The following LMOD1 variants were observed in gnomAD, a reference collection of about 807,000 sequenced individuals.
LMOD1 encodes leiomodin-1.
Under a neutral mutation model 36.5 loss-of-function variants are expected in LMOD1, and 8 were observed. The observed-to-expected ratio is 0.22, with a 90% CI of 0.13 to 0.40. The LOEUF (loss-of-function observed/expected upper bound fraction) is 0.40, where lower values mean the gene tolerates loss of function less well. LMOD1 is among the 10% of genes least tolerant of loss of function. The probability of loss-of-function intolerance (pLI) is 1.00; values close to 1 mark genes in which losing one functional copy is unlikely to be tolerated. For synonymous variants in LMOD1, 284 were observed against 288.7 expected (o/e 0.98, Z 0.17); for missense variants, 630 against 751.1 (o/e 0.84, Z 1.88).
chr1:201,921,623 G>GTTA (rs1681706295), intron 1 of LMOD1, among the ~76,000 whole-genome samples: 1 of 151,890 alleles, frequency 6.6e-6, no homozygotes, highest in Admixed American at 6.6e-5. Flanking sequence ...TGAAAAGTGA[G>GTTA]TTATCAGGAA....
In LMOD1 at chr1:201,924,660, GAAAA is replaced by G. The variant is rs1224538245; in HGVS notation, c.261+21416_261+21419del. ...ATAAAGAAAGAAAGAGAGAAAGAAAGAAAAAAAAGAAAGAAAGAAAGAAAGAAAG... is the reference window on the plus strand; with the variant it reads ...ATAAAGAAAGAAAGAGAGAAAGAAAGAAAAGAAAGAAAGAAAGAAAGAAAG... On this transcript the variant is annotated intron_variant, in intron 1 of 2. Coordinates refer to ENST00000367288, the MANE Select transcript of LMOD1 (RefSeq NM_012134.3). Among the ~76,000 whole-genome samples the G allele has an allele frequency of 5.6e-3, 694 of 122,944 alleles. 20 individuals carry two copies. Among genetic ancestry groups the G allele is most frequent in the African/African-American group, 0.02 (632 of 31,772 alleles). 80.7% of individuals were successfully genotyped at this position (122,944 alleles called of 152,430 possible).
At position 201,899,702 on chromosome 1, in the gene LMOD1, G is replaced by C; in HGVS notation, c.1311C>G (p.Ile437Met). 1 of 1,614,024 alleles carries C rather than the reference G, an allele frequency of 6.2e-7. No homozygotes were observed. Among genetic ancestry groups the C allele is most frequent in the African/African-American group, 1.3e-5 (1 of 75,054 alleles). The change falls in exon 2 of 3, where the codon ATC becomes ATG. Residue 437 changes from isoleucine (I) to methionine (M), a missense_variant. Coordinates refer to ENST00000367288, the MANE Select transcript of LMOD1 (RefSeq NM_012134.3). The surrounding 1 kb of genome is among the most constrained non-coding windows in gnomAD (Gnocchi z 6.3). Reference sequence around the variant, plus strand: ...TAGTATTCTCCTTCAGCAGCTTGGCGATCTCCATCTCCGTCTTGCCTCCAC... The same window carrying C: ...TAGTATTCTCCTTCAGCAGCTTGGCCATCTCCATCTCCGTCTTGCCTCCAC... ...HICGGKTEMEIAKLLKENTTL... is the reference protein window; with the variant it reads ...HICGGKTEMEMAKLLKENTTL...
chr1:201,927,839 C>T (rs1681855312), intron 1 of LMOD1, among the ~76,000 whole-genome samples: 1 of 152,162 alleles, frequency 6.6e-6, no homozygotes, highest in Non-Finnish European at 1.5e-5. Context: ...CCTATGAATT[C>T]AGAATGGGAC....
rs1681222752 is a variant in LMOD1 at position 201,898,016 on chromosome 1, G to A, written c.*356C>T. 1.1e-5 allele frequency: 3 copies of A among 261,214 alleles called. No homozygotes were observed. Among genetic ancestry groups the A allele is most frequent in the Non-Finnish European group, 2.2e-5 (3 of 136,740 alleles). 16.2% of individuals were successfully genotyped at this position (261,214 alleles called of 1,614,324 possible). A position where few individuals can be genotyped will look rare whatever the true frequency, so the allele number is the denominator to read the frequency against. Reference sequence around the variant, plus strand: ...CCCTGGAGGGCAGTGGGGCTGGGGTGGATGTGGTCCCTGTGGGACATCTTT... The same window carrying A: ...CCCTGGAGGGCAGTGGGGCTGGGGTAGATGTGGTCCCTGTGGGACATCTTT... On this transcript the variant is annotated 3_prime_UTR_variant, in exon 3 of 3. Transcript: ENST00000367288.
intron 1 of LMOD1, among the ~76,000 whole-genome samples, chr1:201,906,872 T>C (rs1681421158): frequency 5.6e-5 from 1 of 17,780 alleles, no homozygotes; most frequent in Non-Finnish European, 1.6e-4. Context: ...TGTCTCTATT[T>C]AAAATAAATA....
intron 1 of LMOD1, among the ~76,000 whole-genome samples, chr1:201,902,675 G>C (rs1445798976): frequency 1.3e-5 from 2 of 151,978 alleles, no homozygotes; most frequent in Non-Finnish European, 2.9e-5. Context: ...TCGAACTCCT[G>C]ACCTCATGAT....
At chr1:201,909,542 G>T (rs1014086882) in intron 1 of LMOD1, among the ~76,000 whole-genome samples, 19 of 152,110 alleles carry the variant, frequency 1.2e-4, no homozygotes, top group African/African-American at 3.6e-4. Flanking sequence ...GCCATACCTG[G>T]CCTTGAGCCC....
At chr1:201,901,704 A>ACACATATATATATG (rs1681330276) in intron 1 of LMOD1, among the ~76,000 whole-genome samples, 1 of 136,280 alleles carries the variant, frequency 7.3e-6, no homozygotes, top group Non-Finnish European at 1.6e-5. Context: ...ATATATATAT[A>ACACATATATATATG]TGTGAAAACA....
At chr1:201,920,376 C>T (rs1468265414) in intron 1 of LMOD1, among the ~76,000 whole-genome samples, 3 of 152,018 alleles carry the variant, frequency 2.0e-5, no homozygotes, top group Non-Finnish European at 4.4e-5. Context: ...ACATACTTTC[C>T]CAGGCCTTGT....
chr1:201,938,793 G>A (rs892865304), intron 1 of LMOD1, among the ~76,000 whole-genome samples: 11 of 152,198 alleles, frequency 7.2e-5, no homozygotes, highest in African/African-American at 2.7e-4. Flanking sequence ...TTTGTAAACA[G>A]CATCCCGACA....
intron 1 of LMOD1, among the ~76,000 whole-genome samples, chr1:201,904,501 C>T (rs962517917): frequency 5.3e-5 from 8 of 152,322 alleles, no homozygotes; most frequent in East Asian, 1.9e-4. Context: ...TGAGCCACCA[C>T]GCCCAGCCTC....
Position 201,921,951 on chromosome 1 carries a change from T to C in LMOD1, c.262-21200A>G, listed in dbSNP as rs532948797. Among the ~76,000 whole-genome samples the C allele has an allele frequency of 1.2e-4, 10 of 85,470 alleles. No individual in the cohort carries two copies. In the South Asian group the frequency reaches 2.0e-3, roughly 17 times the overall value. The allele number at this position is 85,470 out of a possible 152,430, so 56.1% of individuals were successfully genotyped here. On this transcript the variant is annotated intron_variant, in intron 1 of 2. Transcript: ENST00000367288. ...CTCCAGCCTGGGCGACAGAGTGAGA[T>C]TCCATCTCAAAAAAAAAAAGAAAAA...
intron 1 of LMOD1, among the ~76,000 whole-genome samples, chr1:201,936,614 C>T (rs1242699280): frequency 1.3e-5 from 2 of 152,090 alleles, no homozygotes; most frequent in African/African-American, 4.8e-5. Context: ...CACATCTTCC[C>T]AAGGCTAGCT....
At chr1:201,919,449 C>A (rs1681664791) in intron 1 of LMOD1, among the ~76,000 whole-genome samples, 1 of 152,172 alleles carries the variant, frequency 6.6e-6, no homozygotes, top group African/African-American at 2.4e-5. Context: ...GGTGATCTGC[C>A]TGCCTTGGCC....
At chr1:201,935,018 A>G (rs1388090983) in intron 1 of LMOD1, among the ~76,000 whole-genome samples, 2 of 152,206 alleles carry the variant, frequency 1.3e-5, no homozygotes, top group Non-Finnish European at 2.9e-5. Flanking sequence ...AGTAGCATCC[A>G]CAGACTGATG....
In LMOD1 at chr1:201,899,272, C is replaced by G; in HGVS notation, c.1741G>C (p.Ala581Pro). ...TGCTTGAGGTTGCTGGAGCGGATGG[C>G]AGCCAATAGCTGGTCACGGGAGTTC... is the stretch of plus-strand genomic sequence containing the variant. ...EKNSRDQLLA[A>P]IRSSNLKQLK... The change falls in exon 2 of 3, where the codon GCC becomes CCC. Residue 581 changes from alanine (A) to proline (P), a missense_variant. Ala to Pro is a conservative substitution (Grantham distance 27). Transcript: ENST00000367288. This position sits in a 1 kb window ranked among gnomAD's most constrained non-coding sequence, Gnocchi z 6.3. 6.2e-7 allele frequency: 1 copy of G among 1,601,756 alleles called. No individual in the cohort carries two copies. The highest frequency in any genetic ancestry group is 8.5e-7 in the Non-Finnish European group (1 of 1,172,340).
chr1:201,926,081 A>G (rs2102923639), intron 1 of LMOD1, among the ~76,000 whole-genome samples: 1 of 152,298 alleles, frequency 6.6e-6, no homozygotes, highest in African/African-American at 2.4e-5. Flanking sequence ...TATGTGCTCT[A>G]TCTATACTGC....
intron 1 of LMOD1, among the ~76,000 whole-genome samples, chr1:201,909,806 C>T (rs1681463927): frequency 6.6e-6 from 1 of 152,198 alleles, no homozygotes; most frequent in Admixed American, 6.5e-5. Context: ...CCCCATGTTA[C>T]AGAAGAAAGT....
intron 1 of LMOD1, among the ~76,000 whole-genome samples, chr1:201,906,677 G>A (rs550583290): frequency 1.2e-4 from 18 of 152,216 alleles, no homozygotes; most frequent in Non-Finnish European, 1.6e-4. Flanking sequence ...TCCATGTGGA[G>A]TGCCAAATCT....
Sources: gnomAD v4.1 joint callset for allele counts (sites outside exome capture counted in the v4.1 genomes callset) on GRCh38, gnomAD v4.1.1 for gene constraint, Gnocchi (gnomAD v3.1) non-coding constraint, MANE v1.5 for transcripts, NCBI Gene and HGNC (gene_info 2026-07-23, HGNC 2026-07-21) for gene names.